The following GRM1 variants were observed in gnomAD, a reference collection of about 807,000 sequenced individuals.
GRM1 encodes the protein glutamate metabotropic receptor 1.
In GRM1, 33 loss-of-function variants were observed where a neutral mutation model predicts 90.9. The ratio of observed to expected loss-of-function variants is 0.36; its 90% CI spans 0.28 to 0.49. The LOEUF is 0.49. Ranked by LOEUF, GRM1 falls within the 20% of genes least tolerant of loss-of-function variation. The pLI is 0.99. For missense variants in GRM1, 1,190 were observed against 1,534.3 expected, an observed-to-expected ratio of 0.78 and a Z score of 3.75; for synonymous variants, 700 against 613.2, an observed-to-expected ratio of 1.14 and a Z score of -2.09.
intron 1 of GRM1, among the ~76,000 whole-genome samples, chr6:146,085,552 T>C (rs2128865240): frequency 6.6e-6 from 1 of 152,274 alleles, no homozygotes; most frequent in East Asian, 1.9e-4. Flanking sequence ...GACCCTTTGT[T>C]AAATATAAGT....
intron 5 of GRM1, among the ~76,000 whole-genome samples, chr6:146,362,829 A>ATGACTGATT (rs1254964980): frequency 1.3e-5 from 2 of 152,218 alleles, no homozygotes; most frequent in Non-Finnish European, 2.9e-5. Flanking sequence ...AGCTTCTTAT[A>ATGACTGATT]TGACTGATTT....
At position 146,418,033 on chromosome 6, in the gene GRM1, T is replaced by C. The variant is rs138453202; in HGVS notation, c.2661-15839T>C. On this transcript the variant is annotated intron_variant, in intron 7 of 7. Transcript: ENST00000282753. The stretch of plus-strand genomic sequence containing the variant: ...TATATGTGAGAACAAACACTTAAAA[T>C]GTATGTACAGTTAAATAATGTATTT... Among the ~76,000 whole-genome samples the C allele has an allele frequency of 3.3e-3, 506 of 152,250 alleles. 3 individuals are homozygous for C. Among genetic ancestry groups the C allele is most frequent in the African/African-American group, 0.012 (487 of 41,568 alleles).
chr6:146,397,439 A>C (rs1170888155), intron 6 of GRM1, among the ~76,000 whole-genome samples: 3 of 139,118 alleles, frequency 2.2e-5, no homozygotes, highest in Non-Finnish European at 4.5e-5. Flanking sequence ...GCGCCACTGC[A>C]CTCCAGCCTG....
chr6:146,166,714 G>A (rs1193816912), intron 2 of GRM1, among the ~76,000 whole-genome samples: 1 of 151,930 alleles, frequency 6.6e-6, no homozygotes, highest in Non-Finnish European at 1.5e-5. Flanking sequence ...AGTTGCCTGG[G>A]GCCTACCAAT....
chr6:146,367,102 T>A (rs917451419), intron 5 of GRM1, among the ~76,000 whole-genome samples: 2 of 152,084 alleles, frequency 1.3e-5, no homozygotes, highest in African/African-American at 2.4e-5. Flanking sequence ...GGGGTTTAGT[T>A]TTTTTTTCTT....
chr6:146,408,274 G>A (rs1777426762), intron 7 of GRM1, among the ~76,000 whole-genome samples: 1 of 152,062 alleles, frequency 6.6e-6, no homozygotes, highest in South Asian at 2.1e-4. Context: ...TCTCACATTG[G>A]GAGATTTTAA....
intron 1 of GRM1, among the ~76,000 whole-genome samples, chr6:146,117,796 A>G (rs919283136): frequency 3.3e-5 from 5 of 151,986 alleles, no homozygotes; most frequent in South Asian, 2.1e-4. Context: ...TAACATATTT[A>G]TTTTCCTTTC....
chr6:146,035,852 G>C (rs774917412), intron 1 of GRM1, among the ~76,000 whole-genome samples: 1 of 151,818 alleles, frequency 6.6e-6, no homozygotes, highest in Non-Finnish European at 1.5e-5. Context: ...TTAGCAAACA[G>C]CTATTATGTG....
chr6:146,161,962 C>T (rs996327014), intron 2 of GRM1, among the ~76,000 whole-genome samples: 1 of 152,106 alleles, frequency 6.6e-6, no homozygotes, highest in African/African-American at 2.4e-5. Context: ...CTCTCTTTAT[C>T]GGGGATGGAT....
rs200149244 is a variant in GRM1 at position 146,304,808 on chromosome 6, A to G, written c.1148A>G (p.His383Arg). The change falls in exon 3 of 8, where the codon CAC becomes CGC. Residue 383 changes from histidine (H) to arginine (R), a missense_variant. By Grantham distance (29) the His-to-Arg change is conservative. Coordinates refer to ENST00000282753, the MANE Select transcript of GRM1 (RefSeq NM_001278064.2). Reference protein sequence around the residue: ...QHRFQCRLPGHLLENPNFKRI... With the variant: ...QHRFQCRLPGRLLENPNFKRI... ...CGGTTCCAGTGCCGCCTTCCAGGACACCTTCTGGAAAATCCCAACTTTAAA... is the reference window on the plus strand; with the variant it reads ...CGGTTCCAGTGCCGCCTTCCAGGACGCCTTCTGGAAAATCCCAACTTTAAA... 3 of 1,613,626 alleles carry G rather than the reference A, an allele frequency of 1.9e-6. No individual in the cohort carries two copies. Among genetic ancestry groups the G allele is most frequent in the Admixed American group, 1.7e-5 (1 of 59,972 alleles).
chr6:146,138,736 A>G (rs527340084), intron 1 of GRM1, among the ~76,000 whole-genome samples: 6 of 151,336 alleles, frequency 4.0e-5, no homozygotes, highest in African/African-American at 1.5e-4. Flanking sequence ...GCTTTTTTTT[A>G]GTATGTCTAA....
chr6:146,397,669 G>A (rs139844954), intron 6 of GRM1, among the ~76,000 whole-genome samples: 2 of 152,126 alleles, frequency 1.3e-5, no homozygotes, highest in East Asian at 3.9e-4. Context: ...GACATCACCT[G>A]TAGCAATACG....
intron 1 of GRM1, among the ~76,000 whole-genome samples, chr6:146,057,244 G>A (rs1481681737): frequency 6.6e-6 from 1 of 152,090 alleles, no homozygotes; most frequent in African/African-American, 2.4e-5. Context: ...AATAAGAATA[G>A]TACATTGCCT....
chr6:146,161,612 G>A (rs2128891759), intron 2 of GRM1, among the ~76,000 whole-genome samples: 1 of 152,198 alleles, frequency 6.6e-6, no homozygotes, highest in South Asian at 2.1e-4. Context: ...GAACACCTGA[G>A]CTTCTGAGGA....
intron 2 of GRM1, among the ~76,000 whole-genome samples, chr6:146,192,755 G>A (rs941029653): frequency 3.9e-5 from 6 of 152,130 alleles, no homozygotes; most frequent in Admixed American, 3.9e-4. Context: ...AAATATTAGA[G>A]TGAATTGTAT....
At chr6:146,271,267 G>T (rs891222450) in intron 2 of GRM1, among the ~76,000 whole-genome samples, 1 of 152,148 alleles carries the variant, frequency 6.6e-6, no homozygotes, top group Non-Finnish European at 1.5e-5. Flanking sequence ...GCCTCCCAAA[G>T]TGCTGGGATT....
intron 3 of GRM1, among the ~76,000 whole-genome samples, chr6:146,341,549 G>A (rs1288266232): frequency 6.6e-6 from 1 of 151,946 alleles, no homozygotes; most frequent in Non-Finnish European, 1.5e-5. Context: ...GGAGAATCTT[G>A]ATATGTTGCC....
intron 7 of GRM1, among the ~76,000 whole-genome samples, chr6:146,411,819 T>C (rs529392993): frequency 6.6e-6 from 1 of 152,260 alleles, no homozygotes; most frequent in South Asian, 2.1e-4. Context: ...ATTGTTGGGC[T>C]ACAAGACCTA....
chr6:146,185,942 T>C (rs1778715615), intron 2 of GRM1, among the ~76,000 whole-genome samples: 1 of 151,546 alleles, frequency 6.6e-6, no homozygotes, highest in Non-Finnish European at 1.5e-5. Context: ...ATAGACATAC[T>C]TTTTTTTCTT....
Sources: allele counts gnomAD v4.1 joint callset (sites outside exome capture counted in the v4.1 genomes callset), GRCh38; gene constraint gnomAD v4.1.1; transcripts MANE v1.5; gene names NCBI Gene and HGNC (gene_info 2026-07-23, HGNC 2026-07-21).